CA8: variants seen among roughly 807,000 people sequenced by gnomAD.
CA8 encodes carbonic anhydrase-related protein.
A neutral mutation model predicts 41.4 loss-of-function variants in CA8; 22 were observed. The observed-to-expected ratio is 0.53, with a 90% CI of 0.38 to 0.76. The LOEUF (loss-of-function observed/expected upper bound fraction) is 0.76, where lower values mean the gene tolerates loss of function less well. Among genes scored for constraint, CA8 ranks in the 30% least tolerant of loss-of-function variants. The pLI is 0.00. For synonymous variants in CA8, 121 were observed against 130.6 expected (o/e 0.93, Z 0.50); for missense variants, 270 against 352.8 (o/e 0.77, Z 1.88).
intron 5 of CA8, among the ~76,000 whole-genome samples, chr8:60,224,843 C>A (rs1807371786): frequency 6.6e-6 from 1 of 152,078 alleles, no homozygotes; most frequent in Non-Finnish European, 1.5e-5. Context: ...ACACTTGGTG[C>A]CCCATCTGCC....
chr8:60,248,691 C>A (rs1365778260), intron 3 of CA8, among the ~76,000 whole-genome samples: 1 of 152,118 alleles, frequency 6.6e-6, no homozygotes, highest in Non-Finnish European at 1.5e-5. Context: ...AGCATGATGT[C>A]ACCAGCTTTT....
At chr8:60,276,460 T>TA (rs1459712735) in intron 2 of CA8, among the ~76,000 whole-genome samples, 1 of 152,030 alleles carries the variant, frequency 6.6e-6, no homozygotes, top group Admixed American at 6.6e-5. Flanking sequence ...TACCGACAGA[T>TA]AAAAAATTCA....
chr8:60,261,036 T>C (rs999077635), intron 3 of CA8, among the ~76,000 whole-genome samples: 1 of 152,046 alleles, frequency 6.6e-6, no homozygotes, highest in Non-Finnish European at 1.5e-5. Flanking sequence ...ACCATTCACT[T>C]TTACTAAGAG....
chr8:60,219,596 A>G (rs1301250888), intron 7 of CA8, among the ~76,000 whole-genome samples: 4 of 152,170 alleles, frequency 2.6e-5, no homozygotes, highest in Non-Finnish European at 5.9e-5. Flanking sequence ...ATAACAGAAA[A>G]GGCAGAAACC....
rs1335699116 is a variant in CA8 at position 60,195,937 on chromosome 8, G to A, written c.*36-5952C>T. Reference sequence around the variant, plus strand: ...GAGTCAAAAGAGAAGAGGGAAACATGCCACTGGATTTGGAAACAGAAATCC... The same window carrying A: ...GAGTCAAAAGAGAAGAGGGAAACATACCACTGGATTTGGAAACAGAAATCC... On this transcript the variant is annotated intron_variant, in intron 8 of 8. Coordinates refer to ENST00000317995, the MANE Select transcript of CA8 (RefSeq NM_004056.6). 5.9e-5 allele frequency among the ~76,000 whole-genome samples: 9 copies of A among 152,234 alleles called. No individual in the cohort carries two copies. The South Asian group carries it at 1.9e-3, about 32-fold the overall frequency.
At chr8:60,251,504 T>C (rs751892984) in intron 3 of CA8, among the ~76,000 whole-genome samples, 18 of 152,210 alleles carry the variant, frequency 1.2e-4, no homozygotes, top group Non-Finnish European at 2.1e-4. Flanking sequence ...CCAATTCCCT[T>C]TCCCTCCCGA....
chr8:60,248,411 CTT>C (rs1481617807), intron 3 of CA8, among the ~76,000 whole-genome samples: 1 of 152,066 alleles, frequency 6.6e-6, no homozygotes, highest in Non-Finnish European at 1.5e-5. Context: ...TTTAATCTAT[CTT>C]GAGTTAATTT....
intron 3 of CA8, among the ~76,000 whole-genome samples, chr8:60,256,884 T>C (rs2130567174): frequency 1.3e-5 from 2 of 152,282 alleles, no homozygotes; most frequent in Middle Eastern, 6.8e-3. Flanking sequence ...GGGAAGAAGT[T>C]TTAAAGAAAA....
rs1332109621 is a variant in CA8 at position 60,187,169 on chromosome 8, A to G, written c.*2852T>C. Among the ~76,000 whole-genome samples the G allele has an allele frequency of 6.6e-6, 1 of 152,120 alleles. No homozygotes were observed. Among genetic ancestry groups the G allele is most frequent in the African/African-American group, 2.4e-5 (1 of 41,454 alleles). ...AACAGAAAAAAATTATAAATCAATA[A>G]CAAATTTGGGAATTCATAAATATGT... On this transcript the variant is annotated 3_prime_UTR_variant, in exon 9 of 9. Coordinates refer to ENST00000317995, the MANE Select transcript of CA8 (RefSeq NM_004056.6).
At chr8:60,217,743 A>C (rs1807071928) in intron 7 of CA8, among the ~76,000 whole-genome samples, 1 of 152,130 alleles carries the variant, frequency 6.6e-6, no homozygotes, top group Non-Finnish European at 1.5e-5. Flanking sequence ...AACCAAGCCA[A>C]ATCCAGGGGA....
At chr8:60,190,408 C>T (rs1368599597) in intron 8 of CA8, among the ~76,000 whole-genome samples, 1 of 132,920 alleles carries the variant, frequency 7.5e-6, no homozygotes, top group Non-Finnish European at 1.6e-5. Context: ...ACTTACAATT[C>T]TATTAAATAA....
At chr8:60,259,740 CTT>C (rs1203317962) in intron 3 of CA8, among the ~76,000 whole-genome samples, 14 of 138,146 alleles carry the variant, frequency 1.0e-4, no homozygotes, top group African/African-American at 7.8e-5. Flanking sequence ...AATTTGTTTG[CTT>C]TTTTTTTTTT....
intron 7 of CA8, 143 bp from the exon 8 acceptor site, chr8:60,209,062 A>G: frequency 1.1e-6 from 1 of 939,762 alleles, no homozygotes; most frequent in South Asian, 1.6e-5. Context: ...AAAAAGAAAA[A>G]AAACAGACTT....
chr8:60,280,715 C>A (rs1804385985), intron 1 of CA8, among the ~76,000 whole-genome samples: 1 of 152,262 alleles, frequency 6.6e-6, no homozygotes, highest in African/African-American at 2.4e-5. Context: ...TGTACCGCTG[C>A]TCTTCTTGAC....
chr8:60,274,523 T>C (rs145204610), intron 2 of CA8, among the ~76,000 whole-genome samples: 238 of 152,292 alleles, frequency 1.6e-3, no homozygotes, highest in African/African-American at 5.5e-3. Context: ...AAAATCCATG[T>C]TGAAACTGAA....
intron 3 of CA8, chr8:60,264,934 T>A (rs867462643): frequency 7.6e-4 from 116 of 152,258 alleles, no homozygotes; most frequent in African/African-American, 2.7e-3. Flanking sequence ...GTACTGGATA[T>A]TGCATCTGGT....
Position 60,196,683 on chromosome 8 carries a change from T to C in CA8, c.*36-6698A>G, listed in dbSNP as rs533396209. ...AATCCTAATAGGATTCCTTTTTCTC[T>C]TTTATTTTTGTCTTTCATTTTCTTT... On this transcript the variant is annotated intron_variant, in intron 8 of 8. Transcript: ENST00000317995. Among the ~76,000 whole-genome samples, 5 of 152,286 alleles carry C rather than the reference T, an allele frequency of 3.3e-5. No individual in the cohort carries two copies. The East Asian group carries it at 7.7e-4, about 23-fold the overall frequency.
At chr8:60,280,947 G>A in intron 1 of CA8, 101 bp downstream of exon 1, 2 of 832,574 alleles carry the variant, frequency 2.4e-6, no homozygotes, top group East Asian at 2.6e-5. Context: ...GGGGCGTGGG[G>A]GTGCTCGGAG....
intron 1 of CA8, 49 bp from the exon 2 acceptor site, chr8:60,279,929 A>T: frequency 6.7e-7 from 1 of 1,499,598 alleles, no homozygotes; most frequent in South Asian, 1.2e-5. Context: ...AATAAATTAC[A>T]GTAAAATTTA....
Sources: gnomAD v4.1 joint callset for allele counts (sites outside exome capture counted in the v4.1 genomes callset) on GRCh38, gnomAD v4.1.1 for gene constraint, MANE v1.5 for transcripts, NCBI Gene and HGNC (gene_info 2026-07-23, HGNC 2026-07-21) for gene names.